PLSCR2: variants seen among roughly 807,000 people sequenced by gnomAD.
The protein encoded by PLSCR2 is PL scramblase 2.
Under a neutral mutation model 25.3 loss-of-function variants are expected in PLSCR2, and 18 were observed. That is an observed-to-expected ratio of 0.71 (90% confidence interval 0.49 to 1.06). PLSCR2 has a LOEUF of 1.06. Ranked by LOEUF, PLSCR2 falls within the 50% of genes least tolerant of loss-of-function variation. The pLI is 0.00. For synonymous variants in PLSCR2, 88 were observed against 87.3 expected, an observed-to-expected ratio of 1.01 and a Z score of -0.04; for missense variants, 243 against 269.5, an observed-to-expected ratio of 0.90 and a Z score of 0.69.
rs564092589 is a variant in PLSCR2 at position 146,401,542 on chromosome 3, T to C, written c.101-5621A>G. 8 of 152,684 alleles carry C rather than the reference T, an allele frequency of 5.2e-5. No individual in the cohort carries two copies. In the South Asian group the frequency reaches 1.4e-3, roughly 28 times the overall value. The allele number at this position is 152,684 out of a possible 1,614,324, so 9.5% of individuals were successfully genotyped here. A position where few individuals can be genotyped will look rare whatever the true frequency, so the allele number is the denominator to read the frequency against. On this transcript the variant is annotated intron_variant and NMD_transcript_variant, in intron 2 of 3. Transcript: ENST00000463633. ...TTCAAGATTTCATACGTTTTACTAGTTTCAAATTTTCTGAGGACTAGAGAA... is the reference window on the plus strand; with the variant it reads ...TTCAAGATTTCATACGTTTTACTAGCTTCAAATTTTCTGAGGACTAGAGAA...
At chr3:146,414,506 G>C (rs2038952399) in intron 2 of PLSCR2, among the ~76,000 whole-genome samples, 1 of 152,070 alleles carries the variant, frequency 6.6e-6, no homozygotes, top group South Asian at 2.1e-4. Context: ...TTTATAATAT[G>C]CCAAAACGGA....
chr3:146,416,027 T>G (rs937458534), intron 2 of PLSCR2, among the ~76,000 whole-genome samples: 1 of 152,154 alleles, frequency 6.6e-6, no homozygotes, highest in Non-Finnish European at 1.5e-5. Context: ...CTTGACTCAC[T>G]GCAACCTCTG....
At chr3:146,410,002 C>T (rs1241315675) in intron 2 of PLSCR2, among the ~76,000 whole-genome samples, 3 of 152,004 alleles carry the variant, frequency 2.0e-5, no homozygotes, top group African/African-American at 7.2e-5. Context: ...TGTATCTAGG[C>T]GTTTTCCCTT....
chr3:146,468,248 T>G (rs1159578930), intron 1 of PLSCR2, among the ~76,000 whole-genome samples: 8 of 152,212 alleles, frequency 5.3e-5, no homozygotes. Flanking sequence ...CTTGTGCTTG[T>G]TCATTGCTCA....
downstream of PLSCR2, among the ~76,000 whole-genome samples, chr3:146,429,520 T>C (rs116779657): frequency 4.3e-3 from 657 of 152,286 alleles, 2 homozygotes; most frequent in African/African-American, 0.015. Flanking sequence ...TGAGGGTATC[T>C]AGTGGAAGAA....
At chr3:146,415,002 C>G (rs1244398852) in intron 2 of PLSCR2, 1 of 152,592 alleles carries the variant, frequency 6.6e-6, no homozygotes, top group African/African-American at 2.4e-5. Flanking sequence ...ACATTCTCTT[C>G]AGGTTTGCAA....
downstream of PLSCR2, among the ~76,000 whole-genome samples, chr3:146,430,843 C>A (rs1376587425): frequency 6.6e-6 from 1 of 151,702 alleles, no homozygotes; most frequent in Non-Finnish European, 1.5e-5. Context: ...TCTCCCCCTT[C>A]CCCACTGATC....
chr3:146,448,177 G>A (rs2040674591), intron 6 of PLSCR2, among the ~76,000 whole-genome samples: 1 of 152,134 alleles, frequency 6.6e-6, no homozygotes. Context: ...CAGTTCTTAT[G>A]AAATTGCTTT....
At chr3:146,451,063 TAC>T (rs59509950) in intron 5 of PLSCR2, among the ~76,000 whole-genome samples, 5,186 of 150,100 alleles carry the variant, frequency 0.035, 268 homozygotes, top group African/African-American at 0.11. Flanking sequence ...CTGGAAATAA[TAC>T]GTTGGTATTT....
At chr3:146,440,401 C>T (rs1314957257), downstream of PLSCR2, among the ~76,000 whole-genome samples, 2 of 152,228 alleles carry the variant, frequency 1.3e-5, no homozygotes, top group Non-Finnish European at 2.9e-5. Flanking sequence ...GATGGGGCTC[C>T]TTGAGCTGCA....
intron 2 of PLSCR2, among the ~76,000 whole-genome samples, chr3:146,412,287 G>T (rs2038879352): frequency 6.6e-6 from 1 of 152,130 alleles, no homozygotes; most frequent in South Asian, 2.1e-4. Flanking sequence ...ACTCCACTGA[G>T]CATTGCCCTA....
At chr3:146,477,840 C>T (rs1019933676) in intron 1 of PLSCR2, among the ~76,000 whole-genome samples, 6 of 152,190 alleles carry the variant, frequency 3.9e-5, no homozygotes, top group African/African-American at 1.4e-4. Flanking sequence ...TAGGGGCTGA[C>T]ACACACCTGA....
chr3:146,423,410 T>C (rs1434651003), intron 2 of PLSCR2, among the ~76,000 whole-genome samples: 1 of 152,024 alleles, frequency 6.6e-6, no homozygotes, highest in Non-Finnish European at 1.5e-5. Flanking sequence ...GCCTCAATAC[T>C]ATCTATAACA....
chr3:146,404,763 G>A lies in PLSCR2; in HGVS notation c.101-8842C>T, dbSNP rs73867600. On this transcript the variant is annotated intron_variant and NMD_transcript_variant, in intron 2 of 3. Transcript: ENST00000463633. The stretch of plus-strand genomic sequence containing the variant: ...TATCTACTTCCAAAATACAATGGTG[G>A]AATAGGCATAGGACAAACATTTCCC... Among the ~76,000 whole-genome samples, 940 of 129,994 alleles carry A rather than the reference G, an allele frequency of 7.2e-3. 16 individuals are homozygous for A. Among genetic ancestry groups the A allele is most frequent in the African/African-American group, 0.025 (894 of 35,726 alleles). The allele number at this position is 129,994 out of a possible 152,430, so 85.3% of individuals were successfully genotyped here. A position where few individuals can be genotyped will look rare whatever the true frequency, so the allele number is the denominator to read the frequency against.
intron 2 of PLSCR2, among the ~76,000 whole-genome samples, chr3:146,404,716 C>T (rs1403796852): frequency 6.6e-6 from 1 of 150,556 alleles, no homozygotes; most frequent in Non-Finnish European, 1.5e-5. Context: ...TCCTTTCCAG[C>T]TACTACCCTA....
intron 5 of PLSCR2, among the ~76,000 whole-genome samples, chr3:146,451,355 T>C (rs1211407672): frequency 1.3e-5 from 2 of 152,026 alleles, no homozygotes; most frequent in Non-Finnish European, 2.9e-5. Flanking sequence ...CTTCAGGTGA[T>C]CCGCCCGCCT....
intron 2 of PLSCR2, among the ~76,000 whole-genome samples, chr3:146,424,264 AGAGTTCTCTG>A: frequency 6.6e-6 from 1 of 152,058 alleles, no homozygotes; most frequent in African/African-American, 2.4e-5. Flanking sequence ...AGAAAGTGAC[AGAGTTCTCTG>A]GTGACTCTTC....
At chr3:146,427,384 T>G (rs2039393070) in intron 2 of PLSCR2, among the ~76,000 whole-genome samples, 1 of 152,162 alleles carries the variant, frequency 6.6e-6, no homozygotes, top group South Asian at 2.1e-4. Flanking sequence ...AGGAAACACT[T>G]GATTTGATCT....
intron 1 of PLSCR2, among the ~76,000 whole-genome samples, chr3:146,481,962 A>G (rs989512413): frequency 6.6e-6 from 1 of 152,252 alleles, no homozygotes; most frequent in African/African-American, 2.4e-5. Flanking sequence ...ACCTGACAAG[A>G]ACAAAAAATG....
Sources: allele counts gnomAD v4.1 joint callset (sites outside exome capture counted in the v4.1 genomes callset), GRCh38; gene constraint gnomAD v4.1.1; transcripts MANE v1.5; gene names NCBI Gene and HGNC (gene_info 2026-07-23, HGNC 2026-07-21).